The following UBR4 variants were observed in gnomAD, a reference collection of about 807,000 sequenced individuals.
UBR4 encodes ubiquitin protein ligase E3 component n-recognin 4, also known as E3 ubiquitin-protein ligase UBR4.
UBR4 carries 124 observed loss-of-function variants against 575.6 expected under a neutral mutation model. The ratio of observed to expected loss-of-function variants is 0.22; its 90% CI spans 0.19 to 0.25. The LOEUF (loss-of-function observed/expected upper bound fraction) is 0.25. UBR4 is among the 10% of genes least tolerant of loss of function. The pLI is 1.00. For missense variants in UBR4, 4,818 were observed against 6,478.8 expected (o/e 0.74, Z 8.80); for synonymous variants, 2,455 against 2,473.7 (o/e 0.99, Z 0.22).
rs550820168 is a variant in UBR4 at position 19,180,028 on chromosome 1, C to T, written c.2185-808G>A. Among the ~76,000 whole-genome samples the T allele has an allele frequency of 3.9e-5, 6 of 152,298 alleles. No homozygotes were observed. In the South Asian group the frequency reaches 1.2e-3, roughly 32 times the overall value. On this transcript the variant is annotated intron_variant, in intron 17 of 105. Coordinates refer to ENST00000375254, the MANE Select transcript of UBR4 (RefSeq NM_020765.3). ...CCTCAAGAGCAGTTTCCGTGGACTA[C>T]ACAGTTACCATAGGTTGAGCTAAAT...
At chr1:19,135,345 C>T (rs2083080448) in intron 60 of UBR4, among the ~76,000 whole-genome samples, 1 of 152,152 alleles carries the variant, frequency 6.6e-6, no homozygotes, top group Admixed American at 6.5e-5. Context: ...TCTATAAAGT[C>T]CTCTAAATTT....
Position 19,127,691 on chromosome 1 carries a change from C to G in UBR4, c.9160G>C (p.Val3054Leu). 2 of 1,614,156 alleles carry G rather than the reference C, an allele frequency of 1.2e-6. No individual in the cohort carries two copies. Among genetic ancestry groups the G allele is most frequent in the Non-Finnish European group, 1.7e-6 (2 of 1,180,012 alleles). ...AAGACACTCAGGAGTCTCATTACTA[C>G]CAGATGGACTTCATTCAGGGCGCTG... ...ERSALNEVHL[V>L]VMRLLSVFMS... The change falls in exon 63 of 106, where the codon GTA (valine) becomes CTA (leucine). Residue 3054 changes from valine (V) to leucine (L), a missense_variant. Physicochemically the swap from Val to Leu is conservative, Grantham distance 32 (BLOSUM62 1). This residue lies in a region of UBR4 where 550 missense variants were observed against 791.5 expected (regional missense o/e 0.69). Coordinates refer to ENST00000375254, the MANE Select transcript of UBR4 (RefSeq NM_020765.3).
chr1:19,200,961 TAG>T (rs1553236829), intron 2 of UBR4, among the ~76,000 whole-genome samples: 1 of 152,060 alleles, frequency 6.6e-6, no homozygotes, highest in Non-Finnish European at 1.5e-5. Context: ...CTGGGCAACA[TAG>T]AGAGACCCTG....
chr1:19,143,945 T>C (rs1156280500), intron 55 of UBR4, 35 bp downstream of exon 55: 2 of 1,597,248 alleles, frequency 1.3e-6, no homozygotes, highest in African/African-American at 1.3e-5. Flanking sequence ...TCCTCCCAAA[T>C]ACAGGCTTGA....
chr1:19,077,449 G>A (rs2076062026), intron 104 of UBR4, among the ~76,000 whole-genome samples: 1 of 152,192 alleles, frequency 6.6e-6, no homozygotes, highest in Non-Finnish European at 1.5e-5. Flanking sequence ...AGCTACAAAT[G>A]TGGGCCAGGC....
rs546295528 is a variant in UBR4 at position 19,188,282 on chromosome 1, A to T, written c.1395-742T>A. Among the ~76,000 whole-genome samples the T allele has an allele frequency of 2.6e-5, 4 of 152,344 alleles. No individual in the cohort carries two copies. In the South Asian group the frequency reaches 8.3e-4, roughly 32 times the overall value. On this transcript the variant is annotated intron_variant, in intron 11 of 105. Transcript: ENST00000375254. ...GAGAATAAAAAGAGAGGCCTGGAGC[A>T]GTGGCTCATGCCTATAATCCCAGCA... is the stretch of plus-strand genomic sequence containing the variant.
intron 19 of UBR4, 124 bp from the exon 20 acceptor site, chr1:19,176,851 A>G: frequency 4.5e-6 from 5 of 1,114,720 alleles, no homozygotes; most frequent in Non-Finnish European, 6.1e-6. Context: ...TCTACATTCA[A>G]ATATTCTGTT....
At chr1:19,208,741 TC>T (rs1458488190) in intron 1 of UBR4, among the ~76,000 whole-genome samples, 1 of 152,156 alleles carries the variant, frequency 6.6e-6, no homozygotes, top group African/African-American at 2.4e-5. Context: ...TGGAAGGGTG[TC>T]AACAAATTAT....
chr1:19,136,320 C>T (rs2083193846), intron 60 of UBR4, among the ~76,000 whole-genome samples: 1 of 152,002 alleles, frequency 6.6e-6, no homozygotes, highest in African/African-American at 2.4e-5. Flanking sequence ...CTATAAAATC[C>T]TAAAGGCTTT....
In UBR4 at chr1:19,192,394, C is replaced by T. The variant is rs746552196; in HGVS notation, c.1204-16G>A. The T allele has an allele frequency of 6.2e-7, 1 of 1,613,572 alleles. No homozygotes were observed. Among genetic ancestry groups the T allele is most frequent in the Admixed American group, 1.7e-5 (1 of 59,938 alleles). ...TCTGATAGTGCTGTTGTGAAAGGCA[C>T]AAAATAAAAAACATAATCATAGAGA... On this transcript the variant is annotated splice_polypyrimidine_tract_variant and intron_variant, in intron 10 of 105. Transcript: ENST00000375254.
At chr1:19,101,745 G>T (rs931619468) in intron 87 of UBR4, 104 bp from the exon 88 acceptor site, 5 of 1,516,952 alleles carry the variant, frequency 3.3e-6, no homozygotes, top group African/African-American at 1.4e-5. Context: ...TTTCTGCCTG[G>T]TAAGTCTTTA....
intron 41 of UBR4, 83 bp from the exon 42 acceptor site, chr1:19,156,506 T>A (rs908740306): frequency 6.6e-7 from 1 of 1,512,298 alleles, no homozygotes; most frequent in African/African-American, 1.4e-5. Context: ...ACGTTCCCTT[T>A]TTTCCTCTAA....
intron 64 of UBR4, 56 bp from the exon 65 acceptor site, chr1:19,124,746 A>G (rs1431657619): frequency 1.9e-6 from 3 of 1,585,864 alleles, no homozygotes; most frequent in African/African-American, 1.4e-5. Context: ...CATGACCACA[A>G]TTAGGAAAAA....
At chr1:19,102,267 A>C (rs1380380446) in intron 87 of UBR4, among the ~76,000 whole-genome samples, 1 of 152,036 alleles carries the variant, frequency 6.6e-6, no homozygotes, top group Non-Finnish European at 1.5e-5. Flanking sequence ...CAGGAGGCTG[A>C]GGTGGGAGGA....
Position 19,148,077 on chromosome 1 carries a change from C to T in UBR4, c.7545G>A (p.Leu2515=). 1 of 1,611,216 alleles carries T rather than the reference C, an allele frequency of 6.2e-7. No individual in the cohort carries two copies. Among genetic ancestry groups the T allele is most frequent in the Non-Finnish European group, 8.5e-7 (1 of 1,179,918 alleles). Residue 2515 remains leucine (L), a synonymous_variant, in exon 51 of 106, where the codon CTG becomes CTA. Transcript: ENST00000375254. ...AQELATLLLS[L]PAPASVQQQS... is the part of the protein sequence containing the mutation. ...GCTGCTGGACACTGGCAGGTGCTGGCAGGGACAACAGCAAAGTGGCCAGCT... is the reference window on the plus strand; with the variant it reads ...GCTGCTGGACACTGGCAGGTGCTGGTAGGGACAACAGCAAAGTGGCCAGCT...
chr1:19,196,311 G>C (rs1443555055), intron 8 of UBR4, among the ~76,000 whole-genome samples: 1 of 152,142 alleles, frequency 6.6e-6, no homozygotes. Context: ...TTCACACACA[G>C]ATGTTCAAAT....
In UBR4 at chr1:19,139,860, G is replaced by A. The variant is rs2083646101; in HGVS notation, c.8594-640C>T. On this transcript the variant is annotated intron_variant, in intron 58 of 105. Transcript: ENST00000375254. The surrounding 1 kb of genome is among the most constrained non-coding windows in gnomAD (Gnocchi z 4.2). The stretch of plus-strand genomic sequence containing the variant: ...AGGAAATTCCCCAGAGACAGCCACA[G>A]CATCCAGGATCAGGGCTGAGCTGAG... Among the ~76,000 whole-genome samples the A allele has an allele frequency of 1.3e-5, 2 of 152,174 alleles. No individual in the cohort carries two copies. Among genetic ancestry groups the A allele is most frequent in the Admixed American group, 6.5e-5 (1 of 15,284 alleles).
At chr1:19,161,236 A>G (rs2087302256) in intron 37 of UBR4, 89 bp from the exon 38 acceptor site, 7 of 1,262,238 alleles carry the variant, frequency 5.5e-6, no homozygotes, top group Non-Finnish European at 7.8e-6. Context: ...ATTTGACCCA[A>G]AGAAGAAACT....
In UBR4 at chr1:19,153,228, A is replaced by C; in HGVS notation, c.6832+73T>G. ...ACATTTCTTCACAGATATTTTCAAC[A>C]GTCTATTCTGAGTCACTGTCTAGAA... On this transcript the variant is annotated intron_variant, in intron 46 of 105. Coordinates refer to ENST00000375254, the MANE Select transcript of UBR4 (RefSeq NM_020765.3). The surrounding 1 kb of genome is among the most constrained non-coding windows in gnomAD (Gnocchi z 4.1). The C allele has an allele frequency of 1.4e-6, 2 of 1,470,002 alleles. No individual in the cohort carries two copies. Among genetic ancestry groups the C allele is most frequent in the Non-Finnish European group, 1.9e-6 (2 of 1,057,060 alleles). The allele number at this position is 1,470,002 out of a possible 1,614,324, so 91.1% of individuals were successfully genotyped here. A position where few individuals can be genotyped will look rare whatever the true frequency, so the allele number is the denominator to read the frequency against.
Sources: allele counts gnomAD v4.1 joint callset (sites outside exome capture counted in the v4.1 genomes callset), GRCh38; gene constraint gnomAD v4.1.1; regional missense constraint gnomAD v4.1.1; non-coding constraint Gnocchi (gnomAD v3.1); transcripts MANE v1.5; gene names NCBI Gene and HGNC (gene_info 2026-07-23, HGNC 2026-07-21).